The following CCDC171 variants were observed in gnomAD, a reference collection of about 807,000 sequenced individuals.
The protein encoded by CCDC171 is coiled-coil domain-containing protein 171.
CCDC171 carries 177 observed loss-of-function variants against 168.2 expected under a neutral mutation model. The observed-to-expected ratio is 1.05, with a 90% CI of 0.93 to 1.19. CCDC171 has a LOEUF of 1.19. Among genes scored for constraint, CCDC171 ranks in the 50% most tolerant of loss-of-function variants. The pLI, the probability that CCDC171 is intolerant of heterozygous loss-of-function variation, is 0.00. For missense variants in CCDC171, 1,991 were observed against 1,539.0 expected (o/e 1.29, Z -4.91); for synonymous variants, 687 against 540.8 (o/e 1.27, Z -3.75).
At chr9:15,554,023 CTT>C (rs143936791) in intron 1 of CCDC171, among the ~76,000 whole-genome samples, 1 of 143,292 alleles carries the variant, frequency 7.0e-6, no homozygotes, top group Non-Finnish European at 1.5e-5. Flanking sequence ...GATTTTGTCA[CTT>C]TTTTTTTTTT....
intron 13 of CCDC171, among the ~76,000 whole-genome samples, chr9:15,724,212 T>C (rs1369105802): frequency 6.6e-6 from 1 of 152,230 alleles, no homozygotes; most frequent in African/African-American, 2.4e-5. Context: ...TGGTTTTATG[T>C]ACTACATCTT....
At chr9:16,065,379 G>A (rs1366233350), downstream of CCDC171, among the ~76,000 whole-genome samples, 2 of 152,104 alleles carry the variant, frequency 1.3e-5, no homozygotes, top group African/African-American at 4.8e-5. Flanking sequence ...GCACCTCGGG[G>A]CTAATGGGAG....
chr9:15,672,026 T>C (rs1375165126), intron 9 of CCDC171, among the ~76,000 whole-genome samples: 1 of 152,244 alleles, frequency 6.6e-6, no homozygotes, highest in Non-Finnish European at 1.5e-5. Context: ...TTCCTGACTT[T>C]TTAATGATCG....
At chr9:15,906,275 T>C (rs189314173) in intron 24 of CCDC171, among the ~76,000 whole-genome samples, 1 of 152,310 alleles carries the variant, frequency 6.6e-6, no homozygotes, top group Non-Finnish European at 1.5e-5. Flanking sequence ...AAATCCTCAA[T>C]AAAATACTGG....
chr9:15,837,961 G>A (rs1343064312), intron 21 of CCDC171, among the ~76,000 whole-genome samples: 1 of 152,078 alleles, frequency 6.6e-6, no homozygotes, highest in Non-Finnish European at 1.5e-5. Context: ...AACCATAGCC[G>A]AAATAGTGTA....
intron 7 of CCDC171, among the ~76,000 whole-genome samples, chr9:15,636,042 A>G (rs398117): frequency 0.066 from 10,041 of 152,208 alleles, 460 homozygotes; most frequent in African/African-American, 0.13. Context: ...ATGATTGATG[A>G]TGTTGAATAT....
At chr9:15,783,573 C>T (rs1294633597) in intron 20 of CCDC171, among the ~76,000 whole-genome samples, 4 of 152,170 alleles carry the variant, frequency 2.6e-5, no homozygotes, top group African/African-American at 7.2e-5. Flanking sequence ...ATATATTTCT[C>T]AGGTTATCTA....
intron 6 of CCDC171, among the ~76,000 whole-genome samples, chr9:15,623,037 G>A (rs1450686649): frequency 2.0e-5 from 3 of 152,090 alleles, no homozygotes; most frequent in South Asian, 2.1e-4. Context: ...AACATTTTCC[G>A]TTGTAATATT....
At chr9:15,798,767 C>T (rs910426682) in intron 21 of CCDC171, among the ~76,000 whole-genome samples, 6 of 151,948 alleles carry the variant, frequency 3.9e-5, no homozygotes, top group Non-Finnish European at 8.8e-5. Flanking sequence ...TCACAATGCC[C>T]GAAATATTGA....
rs138309245 is a variant in CCDC171, at chr9:15,799,180, C to T, written c.3267+14486C>T. On this transcript the variant is annotated intron_variant, in intron 21 of 25. Transcript: ENST00000380701. ...TATATATATATACCATTTTGATGCA[C>T]ACTTCCTTTATATAGACCCGTGTTT... Among the ~76,000 whole-genome samples the T allele has an allele frequency of 5.3e-4, 60 of 113,978 alleles. 1 individual carries two copies. In the East Asian group the frequency reaches 0.015, roughly 29 times the overall value. The allele number at this position is 113,978 out of a possible 152,430, so 74.8% of individuals were successfully genotyped here.
intron 25 of CCDC171, among the ~76,000 whole-genome samples, chr9:15,924,627 C>T (rs1429235838): frequency 1.3e-5 from 2 of 151,616 alleles, no homozygotes; most frequent in African/African-American, 4.8e-5. Flanking sequence ...TTAGCATATT[C>T]CAGTGACTGA....
chr9:15,844,242 C>T (rs1312010083), intron 21 of CCDC171, among the ~76,000 whole-genome samples: 1 of 151,804 alleles, frequency 6.6e-6, no homozygotes, highest in Middle Eastern at 3.4e-3. Flanking sequence ...TCAATCTGAA[C>T]AGGAGAAAAG....
rs202173183 is a variant in CCDC171 at position 15,690,693 on chromosome 9, ATATAT to A, written c.1216-4537_1216-4533del. Among the ~76,000 whole-genome samples the A allele has an allele frequency of 9.5e-3, 1,448 of 152,298 alleles. 25 individuals are homozygous for A. Among genetic ancestry groups the A allele is most frequent in the African/African-American group, 0.033 (1,384 of 41,582 alleles). ...TGAAAAATATAATTTTGTTTTAAGAATATATTATAGTCAGATGGCAAATAGAAATG... is the reference window on the plus strand; with the variant it reads ...TGAAAAATATAATTTTGTTTTAAGAATATAGTCAGATGGCAAATAGAAATG... On this transcript the variant is annotated intron_variant, in intron 10 of 25. Transcript: ENST00000380701.
intron 24 of CCDC171, among the ~76,000 whole-genome samples, chr9:15,913,545 TTTAC>T (rs906575790): frequency 2.0e-5 from 3 of 152,006 alleles, no homozygotes; most frequent in African/African-American, 7.2e-5. Context: ...CTGCCGTGAT[TTTAC>T]TTATTTCTTG....
At chr9:15,799,135 C>CATATATATATATATATATATATAT (rs57651824) in intron 21 of CCDC171, among the ~76,000 whole-genome samples, 14 of 109,024 alleles carry the variant, frequency 1.3e-4, no homozygotes, top group Admixed American at 6.4e-4. Flanking sequence ...TCATCATTGC[C>CATATATATATATATATATATATAT]ATATATATAT....
At chr9:16,094,543 G>C in the CCDC171 span, among the ~76,000 whole-genome samples, 2 of 152,144 alleles carry the variant, frequency 1.3e-5, no homozygotes, top group African/African-American at 2.4e-5. Context: ...AGAGTCAAGG[G>C]TTGTTTAGTC....
chr9:15,667,116 T>A (rs998557212), intron 9 of CCDC171, among the ~76,000 whole-genome samples: 1 of 152,216 alleles, frequency 6.6e-6, no homozygotes, highest in Non-Finnish European at 1.5e-5. Context: ...CCTTTCATCT[T>A]CAAAATTCTG....
intron 9 of CCDC171, among the ~76,000 whole-genome samples, chr9:15,675,878 T>C (rs900959894): frequency 1.3e-5 from 2 of 152,166 alleles, no homozygotes; most frequent in African/African-American, 4.8e-5. Flanking sequence ...AGGAGTATCT[T>C]TGTGGTGTTC....
At chr9:15,755,952 G>A (rs926462838) in intron 18 of CCDC171, among the ~76,000 whole-genome samples, 2 of 152,212 alleles carry the variant, frequency 1.3e-5, no homozygotes, top group Non-Finnish European at 2.9e-5. Flanking sequence ...ACTGTATGAT[G>A]TTTAATTATA....
Sources: allele counts gnomAD v4.1 joint callset (sites outside exome capture counted in the v4.1 genomes callset), GRCh38; gene constraint gnomAD v4.1.1; transcripts MANE v1.5; gene names NCBI Gene and HGNC (gene_info 2026-07-23, HGNC 2026-07-21).